The following NISCH variants were observed in gnomAD, a reference collection of about 807,000 sequenced individuals.
NISCH encodes nischarin.
NISCH carries 55 observed loss-of-function variants against 138.4 expected under a neutral mutation model. That is an observed-to-expected ratio of 0.40 (90% CI 0.32 to 0.50). The LOEUF (loss-of-function observed/expected upper bound fraction) is 0.50. Among genes scored for constraint, NISCH ranks in the 20% least tolerant of loss-of-function variants. The pLI, the probability that NISCH is intolerant of heterozygous loss-of-function variation, is 0.71. For missense variants in NISCH, 1,643 were observed against 2,005.5 expected, an observed-to-expected ratio of 0.82 and a Z score of 3.45; for synonymous variants, 860 against 861.5, an observed-to-expected ratio of 1.00 and a Z score of 0.03.
intron 1 of NISCH, 140 bp from the exon 2 acceptor site, chr3:52,457,703 C>A: frequency 1.4e-6 from 1 of 709,312 alleles, no homozygotes; most frequent in Non-Finnish European, 2.5e-6. Flanking sequence ...CTGACTTTGG[C>A]CTTGGGGTGG....
At chr3:52,469,972 T>A (rs1290991528) in intron 3 of NISCH, among the ~76,000 whole-genome samples, 1 of 150,834 alleles carries the variant, frequency 6.6e-6, no homozygotes, top group African/African-American at 2.4e-5. Flanking sequence ...TAGTCCCAGC[T>A]ACTTGGGAGG....
At chr3:52,482,900 G>A (rs780028533) in intron 13 of NISCH, among the ~76,000 whole-genome samples, 3 of 152,190 alleles carry the variant, frequency 2.0e-5, no homozygotes, top group Non-Finnish European at 4.4e-5. Flanking sequence ...CCCAGACTGT[G>A]CCCCTGGGGA....
At position 52,478,452 on chromosome 3, in the gene NISCH, G is replaced by A; in HGVS notation, c.1177G>A (p.Glu393Lys). 1 of 1,614,232 alleles carries A rather than the reference G, an allele frequency of 6.2e-7. No homozygotes were observed. The highest frequency in any genetic ancestry group is 8.5e-7 in the Non-Finnish European group (1 of 1,180,028). ...GGATGGAACTCATACCTTGCAGATG[G>A]AGGAGGTCCGGAGCATAGGCAGCCT... The part of the protein sequence containing the change: ...DLRDNRIEQM[E>K]EVRSIGSLPC... The change falls in exon 11 of 21, where the codon GAG becomes AAG. Residue 393 changes from glutamate (E) to lysine (K), a missense_variant. Coordinates refer to ENST00000345716, the MANE Select transcript of NISCH (RefSeq NM_007184.4).
Position 52,487,982 on chromosome 3 carries a change from C to T in NISCH, c.2490C>T (p.Ser830=). ...CCATCCTCTACGGCAGCCACACCAG[C>T]CTGCAGGAGTTCCTGCGCCAGCTGC... is the stretch of plus-strand genomic sequence containing the variant. The part of the protein sequence containing the change: ...CSPILYGSHT[S]LQEFLRQLLT... The change falls in exon 16 of 21, where the codon AGC becomes AGT. Residue 830 remains serine, a synonymous_variant. Transcript: ENST00000345716. The surrounding 1 kb of genome is among the most constrained non-coding windows in gnomAD (Gnocchi z 9.1). 1 of 1,612,484 alleles carries T rather than the reference C, an allele frequency of 6.2e-7. No individual in the cohort carries two copies. The highest frequency in any genetic ancestry group is 1.1e-5 in the South Asian group (1 of 91,080).
chr3:52,472,398 G>A lies in NISCH; in HGVS notation c.669G>A (p.Glu223=). The change falls in exon 6 of 21, where the codon GAG becomes GAA. Residue 223 remains glutamate (E), a splice_region_variant and synonymous_variant. Transcript: ENST00000345716. ...LSIFKSLHQV[E]ISHCDAKHIR... is the part of the protein sequence containing the mutation. ...TATTCAAGTCCCTGCATCAGGTGGAGGTAAGGCCCAGCGCTGCACAGCATC... is the reference window on the plus strand; with the variant it reads ...TATTCAAGTCCCTGCATCAGGTGGAAGTAAGGCCCAGCGCTGCACAGCATC... 6.2e-7 allele frequency: 1 copy of A among 1,613,262 alleles called. No individual in the cohort carries two copies. Among genetic ancestry groups the A allele is most frequent in the East Asian group, 2.2e-5 (1 of 44,878 alleles).
chr3:52,460,186 C>A (rs1385062036), intron 3 of NISCH, among the ~76,000 whole-genome samples: 79 of 56,200 alleles, frequency 1.4e-3, no homozygotes, highest in Admixed American at 1.7e-3. Flanking sequence ...GACTTCATCT[C>A]AAAAAAAAAA....
chr3:52,491,608 T>C (rs1707567467), intron 20 of NISCH, 95 bp downstream of exon 20: 1 of 1,367,640 alleles, frequency 7.3e-7, no homozygotes. Context: ...TCTCTGCCTC[T>C]ATGTCTCTCT....
chr3:52,491,406 A>G lies in NISCH; in HGVS notation c.3797A>G (p.His1266Arg). Residue 1266 changes from histidine to arginine, a missense_variant, in exon 20 of 21, where the codon CAC becomes CGC. Transcript: ENST00000345716. The part of the protein sequence containing the change: ...TCLTRDSYLT[H>R]CFLQHLMVVL... ...TTGACGCGGGACAGCTACCTGACGC[A>G]CTGCTTCCTCCAGCACCTCATGGTC... The G allele has an allele frequency of 1.2e-6, 2 of 1,613,312 alleles. No homozygotes were observed. Among genetic ancestry groups the G allele is most frequent in the Middle Eastern group, 1.7e-4 (1 of 6,060 alleles).
At chr3:52,475,511 T>A (rs1707075222) in intron 7 of NISCH, 1 of 152,238 alleles carries the variant, frequency 6.6e-6, no homozygotes, top group Non-Finnish European at 1.5e-5. Context: ...GCCTGGAAAC[T>A]GAATTCTCAC....
Position 52,489,971 on chromosome 3 carries a change from G to A in NISCH, c.3457-104G>A, listed in dbSNP as rs1045642139. 18 of 1,487,246 alleles carry A rather than the reference G, an allele frequency of 1.2e-5. 1 individual carries two copies. The South Asian group carries it at 2.1e-4, about 18-fold the overall frequency. 92.1% of individuals were successfully genotyped at this position (1,487,246 alleles called of 1,614,324 possible). A position where few individuals can be genotyped will look rare whatever the true frequency, so the allele number is the denominator to read the frequency against. ...TTGAAGCATACGGATTCATTGGTGA[G>A]CCAAGAGGGGCTTCCCATGTCTCCT... is the stretch of plus-strand genomic sequence containing the variant. On this transcript the variant is annotated intron_variant, in intron 17 of 20. Transcript: ENST00000345716.
intron 3 of NISCH, among the ~76,000 whole-genome samples, chr3:52,464,950 A>G (rs2335929): frequency 0.96 from 146,719 of 152,352 alleles, 70,698 homozygotes; most frequent in African/African-American, 0.99. Flanking sequence ...TAACAGGCGT[A>G]AGCCACCATG....
At chr3:52,473,684 C>T (rs1335250371) in intron 6 of NISCH, 50 bp from the exon 7 acceptor site, 1 of 1,372,850 alleles carries the variant, frequency 7.3e-7, no homozygotes, top group Admixed American at 1.7e-5. Flanking sequence ...CTGGGGACTT[C>T]TGACGGAGCA....
chr3:52,489,179 C>T (rs1208160810), intron 16 of NISCH, among the ~76,000 whole-genome samples, 157 bp from the exon 17 acceptor site: 2 of 152,222 alleles, frequency 1.3e-5, no homozygotes, highest in Admixed American at 1.3e-4. Context: ...CGTGCCCGGC[C>T]GTGCTGTTCT....
At chr3:52,469,908 C>G (rs1706893079) in intron 3 of NISCH, among the ~76,000 whole-genome samples, 1 of 150,376 alleles carries the variant, frequency 6.6e-6, no homozygotes, top group South Asian at 2.1e-4. Flanking sequence ...GAGCAAGACT[C>G]CGTCTCAAAA....
rs1016205523 is a variant in NISCH at position 52,487,559 on chromosome 3, T to G, written c.2067T>G (p.Ala689=). ...AAGAGGCCGAGGAGGAGCGCCTGGC[T>G]CTGGAATGGGCCCTGGGCGCGGACG... ...EDEEAEEERL[A]LEWALGADED... Residue 689 remains alanine (A), a synonymous_variant, in exon 16 of 21, where the codon GCT becomes GCG. Transcript: ENST00000345716. This position sits in a 1 kb window ranked among gnomAD's most constrained non-coding sequence, Gnocchi z 9.1. 6.2e-7 allele frequency: 1 copy of G among 1,611,192 alleles called. No individual in the cohort carries two copies. The highest frequency in any genetic ancestry group is 1.3e-5 in the African/African-American group (1 of 74,874).
At chr3:52,470,088 TAAAAAAA>T (rs79193522) in intron 3 of NISCH, among the ~76,000 whole-genome samples, 2 of 129,830 alleles carry the variant, frequency 1.5e-5, no homozygotes, top group Admixed American at 7.8e-5. Flanking sequence ...TGTCTCTATT[TAAAAAAA>T]AAAAAAAAAA....
At chr3:52,468,814 T>C (rs1202439626) in intron 3 of NISCH, among the ~76,000 whole-genome samples, 1 of 152,034 alleles carries the variant, frequency 6.6e-6, no homozygotes, top group African/African-American at 2.4e-5. Context: ...ATTAAATGAA[T>C]AAACACATTT....
Position 52,458,699 on chromosome 3 carries a change from C to T in NISCH, c.215C>T (p.Pro72Leu). The T allele has an allele frequency of 1.2e-6, 2 of 1,613,500 alleles. No individual in the cohort carries two copies. Among genetic ancestry groups the T allele is most frequent in the Non-Finnish European group, 1.7e-6 (2 of 1,179,878 alleles). The change falls in exon 3 of 21, where the codon CCG (proline) becomes CTG (leucine). Residue 72 changes from proline (P) to leucine (L), a missense_variant. Pro to Leu is a moderately conservative substitution (Grantham distance 98). Coordinates refer to ENST00000345716, the MANE Select transcript of NISCH (RefSeq NM_007184.4). ...AERKIDKNLL[P>L]PKKIIGKNSR... ...AGAAAGATTGATAAAAATCTGCTTC[C>T]GCCCAAAAAGATAATTGGGAAAAAC... is the stretch of plus-strand genomic sequence containing the variant.
At chr3:52,480,547 C>G (rs545996545) in intron 13 of NISCH, 1 of 1,469,808 alleles carries the variant, frequency 6.8e-7, no homozygotes, top group Non-Finnish European at 9.0e-7. Context: ...TCTAGGAGAC[C>G]GCAGGGTGTC....
Sources: gnomAD v4.1 joint callset for allele counts (sites outside exome capture counted in the v4.1 genomes callset) on GRCh38, gnomAD v4.1.1 for gene constraint, Gnocchi (gnomAD v3.1) non-coding constraint, MANE v1.5 for transcripts, NCBI Gene and HGNC (gene_info 2026-07-23, HGNC 2026-07-21) for gene names.